KRT80: variants seen among roughly 807,000 people sequenced by gnomAD.
The protein encoded by KRT80 is keratin 80, also known as keratin, type II cytoskeletal 80.
In KRT80, 36 loss-of-function variants were observed where a neutral mutation model predicts 51.5. The ratio of observed to expected loss-of-function variants is 0.70; its 90% CI spans 0.54 to 0.92. The LOEUF is 0.92. Among genes scored for constraint, KRT80 ranks in the 40% least tolerant of loss-of-function variants. KRT80 has a pLI of 0.00. For synonymous variants in KRT80, 235 were observed against 248.3 expected (o/e 0.95, Z 0.50); for missense variants, 566 against 591.7 (o/e 0.96, Z 0.45).
At chr12:52,180,729 A>G (rs1461394520) in intron 3 of KRT80, 121 bp from the exon 4 acceptor site, 8 of 1,598,488 alleles carry the variant, frequency 5.0e-6, no homozygotes, top group Non-Finnish European at 6.8e-6. Context: ...TCTGGCTCAG[A>G]GCCTCGAAAA....
chr12:52,180,614 G>C lies in KRT80; in HGVS notation c.571-6C>G, dbSNP rs761747094. On this transcript the variant is annotated splice_polypyrimidine_tract_variant and splice_region_variant and intron_variant, in intron 3 of 8. Transcript: ENST00000394815. ...AGACACTCTGCATCCAGGTCCTGGG[G>C]TTGGCAGCAGTGGTGAGTGGTGGGA... 2 of 1,514,346 alleles carry C rather than the reference G, an allele frequency of 1.3e-6. No homozygotes were observed. Among genetic ancestry groups the C allele is most frequent in the East Asian group, 2.3e-5 (1 of 43,364 alleles). 93.8% of individuals were successfully genotyped at this position (1,514,346 alleles called of 1,614,324 possible). A position where few individuals can be genotyped will look rare whatever the true frequency, so the allele number is the denominator to read the frequency against.
chr12:52,171,461 G>C lies in KRT80; in HGVS notation c.1296C>G (p.Pro432=). 2.5e-6 allele frequency: 4 copies of C among 1,612,964 alleles called. No individual in the cohort carries two copies. The highest frequency in any genetic ancestry group is 3.4e-6 in the Non-Finnish European group (4 of 1,179,478). ...CTGACATTTCGGTGATTTTGATCAC[G>C]GGGCCTTTGCTGCCCTTCTTCTTTC... The part of the protein sequence containing the change: ...PSRKKKGSKG[P]VIKITEMSEK... Residue 432 remains proline, a synonymous_variant, in exon 9 of 9, where the codon CCC becomes CCG. Coordinates refer to ENST00000394815, the MANE Select transcript of KRT80 (RefSeq NM_182507.3).
chr12:52,172,203 C>T lies in KRT80; in HGVS notation c.1173G>A (p.Glu391=). 6.2e-7 allele frequency: 1 copy of T among 1,613,508 alleles called. No homozygotes were observed. Among genetic ancestry groups the T allele is most frequent in the Non-Finnish European group, 8.5e-7 (1 of 1,180,016 alleles). ...ATYRKLVEGE[E]GRMDSPSATV... ...TCACCAGCCCTGGCTCTCACCTGCCCTCCTCGCCCTCCACCAGCTTCCTGT... is the reference window on the plus strand; with the variant it reads ...TCACCAGCCCTGGCTCTCACCTGCCTTCCTCGCCCTCCACCAGCTTCCTGT... Residue 391 remains glutamate, a synonymous_variant, in exon 7 of 9, where the codon GAG becomes GAA. Transcript: ENST00000394815.
At chr12:52,183,562 G>A (rs1350708733) in intron 2 of KRT80, among the ~76,000 whole-genome samples, 3 of 152,246 alleles carry the variant, frequency 2.0e-5, no homozygotes, top group Non-Finnish European at 4.4e-5. Flanking sequence ...TTCCCAACTC[G>A]GGTGGGTTCC....
chr12:52,172,161 T>C lies in KRT80; in HGVS notation c.1178+37A>G, dbSNP rs577733165. The C allele has an allele frequency of 2.5e-6, 4 of 1,606,498 alleles. No homozygotes were observed. The African/African-American group carries it at 5.3e-5, about 21-fold the overall frequency. On this transcript the variant is annotated intron_variant, in intron 7 of 8. Coordinates refer to ENST00000394815, the MANE Select transcript of KRT80 (RefSeq NM_182507.3). Reference sequence around the variant, plus strand: ...GTAGGCCTGGGCCTCCAGCCCTCCTTCCCCTGCAGCCCTTCCTCACCAGCC... The same window carrying C: ...GTAGGCCTGGGCCTCCAGCCCTCCTCCCCCTGCAGCCCTTCCTCACCAGCC...
rs1192735004 is a variant in KRT80 at position 52,173,831 on chromosome 12, A to T, written c.667-67T>A. ...GGCACAAGGACCCTCAGCCCCACAC[A>T]GTCACTTTGTCCCCGGGGTGAGCGG... On this transcript the variant is annotated intron_variant, in intron 4 of 8. Transcript: ENST00000394815. 4.6e-6 allele frequency: 7 copies of T among 1,508,058 alleles called. No homozygotes were observed. In the African/African-American group the frequency reaches 8.2e-5, roughly 18 times the overall value. The allele number at this position is 1,508,058 out of a possible 1,614,324, so 93.4% of individuals were successfully genotyped here.
intron 4 of KRT80, 140 bp from the exon 5 acceptor site, chr12:52,173,904 C>A: frequency 1.2e-6 from 1 of 843,066 alleles, no homozygotes; most frequent in East Asian, 2.7e-5. Flanking sequence ...TGATGGAAGG[C>A]CGAATGCCTC....
At position 52,171,464 on chromosome 12, in the gene KRT80, G is replaced by A; in HGVS notation, c.1293C>T (p.Gly431=). The change falls in exon 9 of 9, where the codon GGC becomes GGT. Residue 431 remains glycine, a synonymous_variant. Coordinates refer to ENST00000394815, the MANE Select transcript of KRT80 (RefSeq NM_182507.3). ...ACATTTCGGTGATTTTGATCACGGGGCCTTTGCTGCCCTTCTTCTTTCGGG... is the reference window on the plus strand; with the variant it reads ...ACATTTCGGTGATTTTGATCACGGGACCTTTGCTGCCCTTCTTCTTTCGGG... ...APSRKKKGSK[G]PVIKITEMSE... is the part of the protein sequence containing the mutation. 1 of 1,613,300 alleles carries A rather than the reference G, an allele frequency of 6.2e-7. No individual in the cohort carries two copies. Among genetic ancestry groups the A allele is most frequent in the Admixed American group, 1.7e-5 (1 of 59,924 alleles).
chr12:52,180,711 A>G, intron 3 of KRT80, 103 bp from the exon 4 acceptor site: 1 of 1,604,366 alleles, frequency 6.2e-7, no homozygotes, highest in Non-Finnish European at 8.5e-7. Context: ...GGGTGATTCC[A>G]GAGGAGATCT....
At chr12:52,175,972 G>GA (rs1365936127) in intron 4 of KRT80, among the ~76,000 whole-genome samples, 4 of 152,102 alleles carry the variant, frequency 2.6e-5, no homozygotes, top group Non-Finnish European at 4.4e-5. Context: ...TGGGTGTGGG[G>GA]GGCCTCAGAG....
At chr12:52,174,874 G>A (rs902146266) in intron 4 of KRT80, among the ~76,000 whole-genome samples, 1 of 152,220 alleles carries the variant, frequency 6.6e-6, no homozygotes, top group Non-Finnish European at 1.5e-5. Context: ...TCTAGAGGTT[G>A]CAAAGGGCCC....
intron 1 of KRT80, among the ~76,000 whole-genome samples, chr12:52,187,215 C>T (rs1941420367): frequency 6.6e-6 from 1 of 152,218 alleles, no homozygotes; most frequent in Non-Finnish European, 1.5e-5. Context: ...AGTGATGCTC[C>T]CTATGGTCAC....
intron 4 of KRT80, among the ~76,000 whole-genome samples, chr12:52,178,602 C>G (rs896545193): frequency 1.3e-5 from 2 of 152,336 alleles, no homozygotes; most frequent in African/African-American, 2.4e-5. Flanking sequence ...GAATCTGTCA[C>G]CCTGCGAAGC....
chr12:52,173,148 C>A lies in KRT80; in HGVS notation c.847G>T (p.Ala283Ser), dbSNP rs753236407. ...CTGCTCCCATACTCGGCCGAGCGGGCGGCCTGCTCCTCCAGCTGGAGGTAC... is the reference window on the plus strand; with the variant it reads ...CTGCTCCCATACTCGGCCGAGCGGGAGGCCTGCTCCTCCAGCTGGAGGTAC... ...YSRSQLEEQAARSAEYGSSLQ... is the reference protein window; with the variant it reads ...YSRSQLEEQASRSAEYGSSLQ... The change falls in exon 6 of 9, where the codon GCC becomes TCC. Residue 283 changes from alanine (A) to serine (S), a missense_variant. By Grantham distance (99) the Ala-to-Ser change is moderately conservative. Coordinates refer to ENST00000394815, the MANE Select transcript of KRT80 (RefSeq NM_182507.3). 1.2e-6 allele frequency: 2 copies of A among 1,609,508 alleles called. No homozygotes were observed. Among genetic ancestry groups the A allele is most frequent in the Non-Finnish European group, 1.7e-6 (2 of 1,177,994 alleles).
At chr12:52,181,118 A>G (rs1037430887) in intron 2 of KRT80, among the ~76,000 whole-genome samples, 155 bp from the exon 3 acceptor site, 4 of 151,932 alleles carry the variant, frequency 2.6e-5, no homozygotes, top group African/African-American at 9.7e-5. Flanking sequence ...TGCATCTTCT[A>G]TGACACATCC....
intron 3 of KRT80, 139 bp downstream of exon 3, chr12:52,180,764 T>C: frequency 6.3e-7 from 1 of 1,584,352 alleles, no homozygotes; most frequent in Non-Finnish European, 8.6e-7. Flanking sequence ...GATGGGGGTA[T>C]CTCCCTGTCT....
intron 2 of KRT80, 52 bp downstream of exon 2, chr12:52,185,327 C>G: frequency 1.3e-6 from 2 of 1,542,430 alleles, no homozygotes; most frequent in Non-Finnish European, 1.8e-6. Flanking sequence ...CTGAGCACAG[C>G]TTGGTCCCAG....
intron 6 of KRT80, 49 bp downstream of exon 6, chr12:52,172,989 G>A (rs780761459): frequency 1.6e-5 from 25 of 1,576,484 alleles, no homozygotes; most frequent in Non-Finnish European, 2.2e-5. Context: ...ATGACTGTGT[G>A]TCTCCCTGCT....
chr12:52,171,821 T>C, intron 7 of KRT80, 108 bp from the exon 8 acceptor site: 1 of 770,652 alleles, frequency 1.3e-6, no homozygotes. Flanking sequence ...TTCTTGGTGG[T>C]CACTCCCAGC....
Sources: gnomAD v4.1 joint callset for allele counts (sites outside exome capture counted in the v4.1 genomes callset) on GRCh38, gnomAD v4.1.1 for gene constraint, MANE v1.5 for transcripts, NCBI Gene and HGNC (gene_info 2026-07-23, HGNC 2026-07-21) for gene names.